Variants in TRPM3 observed in about 807,000 individuals in gnomAD.
TRPM3 encodes the protein transient receptor potential cation channel subfamily M member 3.
A neutral mutation model predicts 181.2 loss-of-function variants in TRPM3; 77 were observed. The ratio of observed to expected loss-of-function variants is 0.42; its 90% confidence interval spans 0.35 to 0.51. TRPM3 has a LOEUF of 0.51. TRPM3 is among the 20% of genes least tolerant of loss of function. TRPM3 has a pLI of 0.01. For missense variants in TRPM3, 1,759 were observed against 2,196.7 expected (o/e 0.80, Z 3.98); for synonymous variants, 745 against 796.4 (o/e 0.94, Z 1.09).
rs73475365 is a variant in TRPM3 at position 71,304,540 on chromosome 9, T to C, written c.183+142113A>G. Among the ~76,000 whole-genome samples, 478 of 152,326 alleles carry C rather than the reference T, an allele frequency of 3.1e-3. 9 individuals are homozygous for C. Among genetic ancestry groups the C allele is most frequent in the African/African-American group, 0.01 (436 of 41,570 alleles). ...AACCTAGCATCTATTGTAAGGGTAATCCTTTACTTAAGTCAAGTTCCGTTT... is the reference window on the plus strand; with the variant it reads ...AACCTAGCATCTATTGTAAGGGTAACCCTTTACTTAAGTCAAGTTCCGTTT... On this transcript the variant is annotated intron_variant, in intron 1 of 24. Transcript: ENST00000357533.
At chr9:71,305,661 C>T (rs975132000) in intron 1 of TRPM3, among the ~76,000 whole-genome samples, 1 of 152,094 alleles carries the variant, frequency 6.6e-6, no homozygotes, top group Non-Finnish European at 1.5e-5. Context: ...ATGAAAAGCA[C>T]AATTCCCCAA....
At chr9:70,605,591 C>CA (rs1220982382) in intron 19 of TRPM3, among the ~76,000 whole-genome samples, 1 of 152,108 alleles carries the variant, frequency 6.6e-6, no homozygotes, top group Non-Finnish European at 1.5e-5. Flanking sequence ...AAAATCAGTT[C>CA]AAAATGGAAC....
At chr9:71,061,961 T>C (rs1434101515) in intron 1 of TRPM3, among the ~76,000 whole-genome samples, 1 of 151,856 alleles carries the variant, frequency 6.6e-6, no homozygotes, top group Non-Finnish European at 1.5e-5. Flanking sequence ...TAAAAGCCCA[T>C]AGTGACCATG....
intron 8 of TRPM3, among the ~76,000 whole-genome samples, chr9:70,758,830 T>TC (rs2077551403): frequency 6.6e-6 from 1 of 152,036 alleles, no homozygotes; most frequent in East Asian, 1.9e-4. Context: ...AAAAATCAAT[T>TC]CAAGATGGAT....
intron 1 of TRPM3, among the ~76,000 whole-genome samples, chr9:71,048,704 T>A (rs556777453): frequency 6.6e-6 from 1 of 152,262 alleles, no homozygotes; most frequent in South Asian, 2.1e-4. Context: ...GAGTCTTGCT[T>A]GAGAAAGGAC....
intron 1 of TRPM3, among the ~76,000 whole-genome samples, chr9:71,072,331 G>A (rs1265478173): frequency 1.3e-5 from 2 of 152,086 alleles, no homozygotes; most frequent in African/African-American, 2.4e-5. Flanking sequence ...TTTCTACAAA[G>A]CATTTTGTCT....
At chr9:70,566,246 C>T (rs2050552178) in intron 22 of TRPM3, among the ~76,000 whole-genome samples, 1 of 152,080 alleles carries the variant, frequency 6.6e-6, no homozygotes, top group Non-Finnish European at 1.5e-5. Flanking sequence ...TGGTGGTAAG[C>T]CACACTAAGA....
At chr9:71,374,113 C>T (rs1457301499) in intron 1 of TRPM3, among the ~76,000 whole-genome samples, 3 of 152,226 alleles carry the variant, frequency 2.0e-5, no homozygotes, top group African/African-American at 7.2e-5. Context: ...CAGTGGTTCA[C>T]ACCTGTAATC....
chr9:71,030,036 C>T (rs764600529), intron 1 of TRPM3, among the ~76,000 whole-genome samples: 6 of 152,254 alleles, frequency 3.9e-5, no homozygotes, highest in Non-Finnish European at 8.8e-5. Context: ...TTTCAACTGA[C>T]TCATATACCT....
intron 1 of TRPM3, among the ~76,000 whole-genome samples, chr9:71,202,433 T>C (rs1052030120): frequency 6.6e-6 from 1 of 152,168 alleles, no homozygotes; most frequent in Admixed American, 6.5e-5. Flanking sequence ...GTTGGGCCTT[T>C]CTGTACCCCT....
intron 1 of TRPM3, among the ~76,000 whole-genome samples, chr9:70,897,130 T>C (rs1367814441): frequency 1.4e-5 from 2 of 145,864 alleles, no homozygotes; most frequent in Admixed American, 7.0e-5. Context: ...TTTTGAAATA[T>C]ACAATAAATT....
chr9:70,592,248 T>G (rs1240141470), intron 21 of TRPM3, among the ~76,000 whole-genome samples: 1 of 152,194 alleles, frequency 6.6e-6, no homozygotes, highest in Non-Finnish European at 1.5e-5. Flanking sequence ...AATATGATAC[T>G]GGCCCCGGCA....
intron 1 of TRPM3, among the ~76,000 whole-genome samples, chr9:70,933,759 A>T (rs1320858457): frequency 6.6e-6 from 1 of 151,970 alleles, no homozygotes; most frequent in Non-Finnish European, 1.5e-5. Context: ...ATACTTAGAT[A>T]TTGAAGGGAA....
chr9:70,799,300 TATC>T (rs1338286949), intron 6 of TRPM3, among the ~76,000 whole-genome samples: 1 of 152,174 alleles, frequency 6.6e-6, no homozygotes, highest in Non-Finnish European at 1.5e-5. Context: ...AAGTAACCAT[TATC>T]ATAGATGAGA....
At chr9:71,009,068 A>T (rs2097708935) in intron 1 of TRPM3, among the ~76,000 whole-genome samples, 1 of 152,250 alleles carries the variant, frequency 6.6e-6, no homozygotes, top group South Asian at 2.1e-4. Context: ...TATAGAAGGA[A>T]CATACTGTAA....
intron 1 of TRPM3, among the ~76,000 whole-genome samples, chr9:70,873,624 T>C (rs1256256924): frequency 6.6e-6 from 1 of 152,016 alleles, no homozygotes; most frequent in African/African-American, 2.4e-5. Context: ...TGCCCCTGCA[T>C]TCTTTAAAAC....
intron 20 of TRPM3, 93 bp from the exon 21 acceptor site, chr9:70,598,763 T>C (rs979621120): frequency 4.8e-6 from 7 of 1,469,530 alleles, no homozygotes; most frequent in South Asian, 2.6e-5. Context: ...CTGATGTTAG[T>C]AGCTTGCTTT....
At chr9:70,958,537 A>C (rs961087399) in intron 1 of TRPM3, among the ~76,000 whole-genome samples, 11 of 151,992 alleles carry the variant, frequency 7.2e-5, no homozygotes, top group Admixed American at 6.6e-5. Flanking sequence ...GCCAGTGATG[A>C]TGAGCATTTT....
chr9:70,845,381 A>T (rs1441505834), intron 4 of TRPM3, among the ~76,000 whole-genome samples: 1 of 152,086 alleles, frequency 6.6e-6, no homozygotes, highest in Non-Finnish European at 1.5e-5. Context: ...CTGGGACTAC[A>T]GGCACCTGCC....
Sources: allele counts gnomAD v4.1 joint callset (sites outside exome capture counted in the v4.1 genomes callset), GRCh38; gene constraint gnomAD v4.1.1; transcripts MANE v1.5; gene names NCBI Gene and HGNC (gene_info 2026-07-23, HGNC 2026-07-21).